TARS3: variants seen among roughly 807,000 people sequenced by gnomAD.
TARS3 encodes threonine--tRNA ligase 2, cytoplasmic.
TARS3 carries 94 observed loss-of-function variants against 103.5 expected under a neutral mutation model. The ratio of observed to expected loss-of-function variants is 0.91; its 90% confidence interval spans 0.77 to 1.08. TARS3 has a LOEUF of 1.08. Ranked by LOEUF, TARS3 falls within the 50% of genes least tolerant of loss-of-function variation. The pLI, the probability that TARS3 is intolerant of heterozygous loss-of-function variation, is 0.00. For missense variants in TARS3, 952 were observed against 995.2 expected (o/e 0.96, Z 0.58); for synonymous variants, 416 against 355.4 (o/e 1.17, Z -1.92).
chr15:101,658,309 A>AGC (rs1456031765), intron 16 of TARS3, among the ~76,000 whole-genome samples: 1 of 128,498 alleles, frequency 7.8e-6, no homozygotes. Context: ...GAACACCATC[A>AGC]GCAAAAAAAA....
In TARS3 at chr15:101,724,249, C is replaced by T; in HGVS notation, c.139G>A (p.Gly47Arg). ...GCCACCTCCCGCGTGAGGCACGGCC[C>T]CTCCGCCTGGCAGCTGTAGGGCGCG... is the stretch of plus-strand genomic sequence containing the variant. The part of the protein sequence containing the change: ...LNAPYSCQAE[G>R]PCLTREVAQL... Residue 47 changes from glycine to arginine, a missense_variant, in exon 1 of 19, where the codon GGG becomes AGG. By Grantham distance (125) the Gly-to-Arg change is moderately radical. This residue lies in a region of TARS3 where 412 missense variants were observed against 364.2 expected (regional missense o/e 1.13). Transcript: ENST00000335968. 1.3e-6 allele frequency: 2 copies of T among 1,558,994 alleles called. No homozygotes were observed. Among genetic ancestry groups the T allele is most frequent in the African/African-American group, 1.4e-5 (1 of 71,706 alleles).
At chr15:101,682,410 T>G (rs1007083010) in intron 12 of TARS3, among the ~76,000 whole-genome samples, 1 of 152,206 alleles carries the variant, frequency 6.6e-6, no homozygotes, top group Non-Finnish European at 1.5e-5. Flanking sequence ...TTTGTTTGTT[T>G]TCTTTTTTTT....
chr15:101,691,653 TAA>T (rs1468135820), intron 10 of TARS3, among the ~76,000 whole-genome samples: 1 of 152,210 alleles, frequency 6.6e-6, no homozygotes, highest in Non-Finnish European at 1.5e-5. Context: ...ACACAAATAG[TAA>T]AAGAGTTACC....
At chr15:101,678,563 C>A (rs1285385084) in intron 12 of TARS3, among the ~76,000 whole-genome samples, 1 of 151,838 alleles carries the variant, frequency 6.6e-6, no homozygotes, top group African/African-American at 2.4e-5. Flanking sequence ...GATATTGTCA[C>A]TTTACCAGCT....
chr15:101,680,136 C>A (rs1898202004), intron 12 of TARS3, among the ~76,000 whole-genome samples: 1 of 152,166 alleles, frequency 6.6e-6, no homozygotes, highest in Admixed American at 6.5e-5. Flanking sequence ...GTAAAATTCC[C>A]AGCTTCCTAA....
chr15:101,712,415 T>C (rs1899913918), intron 4 of TARS3, among the ~76,000 whole-genome samples: 1 of 152,276 alleles, frequency 6.6e-6, no homozygotes. Context: ...AGGGGCACCC[T>C]CTCTGAGCTG....
intron 13 of TARS3, among the ~76,000 whole-genome samples, chr15:101,672,753 G>A (rs1897861446): frequency 6.6e-6 from 1 of 152,080 alleles, no homozygotes; most frequent in South Asian, 2.1e-4. Context: ...TTCTACTTAG[G>A]ACCAGAGAAA....
chr15:101,711,799 A>G (rs1899880599), intron 5 of TARS3, 81 bp downstream of exon 5: 1 of 1,513,564 alleles, frequency 6.6e-7, no homozygotes, highest in Non-Finnish European at 9.0e-7. Flanking sequence ...AGCAGTATAC[A>G]GTTACTAGGC....
intron 15 of TARS3, among the ~76,000 whole-genome samples, chr15:101,670,111 C>G (rs1472799425): frequency 6.6e-6 from 1 of 151,936 alleles, no homozygotes; most frequent in East Asian, 1.9e-4. Context: ...TTAGGCAGAG[C>G]TTATAGATAT....
intron 3 of TARS3, among the ~76,000 whole-genome samples, chr15:101,715,901 C>A (rs1038763440): frequency 6.6e-6 from 1 of 152,030 alleles, no homozygotes; most frequent in Non-Finnish European, 1.5e-5. Flanking sequence ...TTCCACGTAC[C>A]CCGATTTTTA....
chr15:101,655,099 G>A (rs908458933), intron 18 of TARS3, among the ~76,000 whole-genome samples: 2 of 149,102 alleles, frequency 1.3e-5, no homozygotes, highest in African/African-American at 5.0e-5. Flanking sequence ...AGCTCTTACA[G>A]GCTCACACTG....
Position 101,711,891 on chromosome 15 carries a change from G to A in TARS3, c.801C>T (p.Phe267=). Residue 267 remains phenylalanine (F), a synonymous_variant, in exon 5 of 19, where the codon TTC becomes TTT. Coordinates refer to ENST00000335968, the MANE Select transcript of TARS3 (RefSeq NM_152334.3). The part of the protein sequence containing the change: ...PIENGFYYDM[F]IEDRAVSSTE... ...ATTCAGTGTGTTACCTGTCTTCAATGAACATGTCATAATAAAATCCATTTT... is the reference window on the plus strand; with the variant it reads ...ATTCAGTGTGTTACCTGTCTTCAATAAACATGTCATAATAAAATCCATTTT... 6.2e-7 allele frequency: 1 copy of A among 1,613,850 alleles called. No homozygotes were observed.
chr15:101,662,271 G>GC (rs545705579), intron 15 of TARS3, among the ~76,000 whole-genome samples: 2 of 150,020 alleles, frequency 1.3e-5, no homozygotes, highest in South Asian at 2.1e-4. Flanking sequence ...TTCCCCTTAG[G>GC]AAAAAAAAAT....
chr15:101,677,484 C>T (rs1057370986), intron 12 of TARS3, among the ~76,000 whole-genome samples: 3 of 148,130 alleles, frequency 2.0e-5, no homozygotes, highest in African/African-American at 7.5e-5. Context: ...ATACCATCAG[C>T]TTTCCTAGTT....
At chr15:101,675,811 T>C (rs2141396229) in intron 12 of TARS3, 74 bp from the exon 13 acceptor site, 2 of 1,472,154 alleles carry the variant, frequency 1.4e-6, no homozygotes, top group East Asian at 2.3e-5. Context: ...CAATTCTTCA[T>C]GTCAGACAGA....
At chr15:101,666,842 G>C (rs187617580) in intron 15 of TARS3, among the ~76,000 whole-genome samples, 1 of 152,150 alleles carries the variant, frequency 6.6e-6, no homozygotes, top group African/African-American at 2.4e-5. Flanking sequence ...ATAATATAAT[G>C]TTCTCCTCCT....
At chr15:101,704,087 T>C in intron 7 of TARS3, 150 bp from the exon 8 acceptor site, 1 of 531,986 alleles carries the variant, frequency 1.9e-6, no homozygotes, top group Non-Finnish European at 3.3e-6. Context: ...AGAGAGGTGA[T>C]TCATCTAGCC....
chr15:101,722,642 TAAAAAAAAAAAA>T (rs35018220), intron 2 of TARS3, among the ~76,000 whole-genome samples: 8 of 58,756 alleles, frequency 1.4e-4, no homozygotes, highest in Middle Eastern at 0.015. Flanking sequence ...CCATCTCTAC[TAAAAAAAAAAAA>T]AAAAAAAAAA....
intron 18 of TARS3, among the ~76,000 whole-genome samples, chr15:101,656,223 G>A (rs1394005843): frequency 2.0e-5 from 3 of 152,230 alleles, no homozygotes; most frequent in African/African-American, 4.8e-5. Context: ...TCTAAACCAA[G>A]TTGAGATTTC....
Sources: gnomAD v4.1 joint callset for allele counts (sites outside exome capture counted in the v4.1 genomes callset) on GRCh38, gnomAD v4.1.1 for gene constraint, gnomAD v4.1.1 regional missense constraint, MANE v1.5 for transcripts, NCBI Gene and HGNC (gene_info 2026-07-23, HGNC 2026-07-21) for gene names.